CMTM8: variants seen among roughly 807,000 people sequenced by gnomAD.
CMTM8 encodes CKLF like MARVEL transmembrane domain containing 8, also known as CKLF-like MARVEL transmembrane domain-containing protein 8.
CMTM8 carries 12 observed loss-of-function variants against 18.6 expected under a neutral mutation model. The observed-to-expected ratio is 0.65, with a 90% CI of 0.41 to 1.05. The LOEUF (loss-of-function observed/expected upper bound fraction) is 1.05. CMTM8 is among the 50% of genes least tolerant of loss of function. CMTM8 has a pLI of 0.00. For missense variants in CMTM8, 217 were observed against 227.2 expected, an observed-to-expected ratio of 0.95 and a Z score of 0.29; for synonymous variants, 87 against 90.6, an observed-to-expected ratio of 0.96 and a Z score of 0.23.
At chr3:32,284,495 T>A (rs1702649975) in intron 1 of CMTM8, among the ~76,000 whole-genome samples, 1 of 152,194 alleles carries the variant, frequency 6.6e-6, no homozygotes, top group Non-Finnish European at 1.5e-5. Context: ...TTATATCTCA[T>A]AATTTTTCCC....
intron 1 of CMTM8, chr3:32,259,715 G>T: frequency 9.2e-7 from 1 of 1,088,276 alleles, no homozygotes; most frequent in South Asian, 1.2e-5. Context: ...TGACGAGCTG[G>T]CTCGGAAGAA....
chr3:32,356,559 C>T (rs536719522), intron 1 of CMTM8, among the ~76,000 whole-genome samples: 1 of 152,288 alleles, frequency 6.6e-6, no homozygotes, highest in African/African-American at 2.4e-5. Flanking sequence ...AGGGTAAATG[C>T]ACAACGTGTG....
intron 1 of CMTM8, among the ~76,000 whole-genome samples, chr3:32,303,921 C>T (rs1695674419): frequency 6.6e-6 from 1 of 152,174 alleles, no homozygotes; most frequent in African/African-American, 2.4e-5. Flanking sequence ...TCATCACACT[C>T]AAGGAATTTA....
At chr3:32,256,547 G>A (rs918162874) in intron 1 of CMTM8, among the ~76,000 whole-genome samples, 1 of 152,190 alleles carries the variant, frequency 6.6e-6, no homozygotes. Flanking sequence ...TAGCACTGGT[G>A]GTGTAGCAAT....
In CMTM8 at chr3:32,336,938, G is replaced by A. The variant is rs138446933; in HGVS notation, c.148-20435G>A. Among the ~76,000 whole-genome samples, 1,417 of 152,228 alleles carry A rather than the reference G, an allele frequency of 9.3e-3. 23 individuals carry two copies. Among genetic ancestry groups the A allele is most frequent in the African/African-American group, 0.033 (1,368 of 41,516 alleles). ...CAGTTTTGGAGGCAGGAAGTCCAAG[G>A]CCAAGGGGTCATAGCTGGTGAGGGC... On this transcript the variant is annotated intron_variant, in intron 1 of 3. Transcript: ENST00000307526.
At chr3:32,312,321 C>G (rs1695835607) in intron 1 of CMTM8, among the ~76,000 whole-genome samples, 1 of 152,102 alleles carries the variant, frequency 6.6e-6, no homozygotes, top group Non-Finnish European at 1.5e-5. Flanking sequence ...TTTCTCAGTC[C>G]CCAGGTAATC....
intron 1 of CMTM8, among the ~76,000 whole-genome samples, chr3:32,265,676 GA>G (rs1161473108): frequency 1.3e-5 from 2 of 151,762 alleles, no homozygotes; most frequent in Non-Finnish European, 2.9e-5. Flanking sequence ...CTGTTTTTTT[GA>G]AAAGATCAAC....
At chr3:32,356,760 C>A (rs913857478) in intron 1 of CMTM8, among the ~76,000 whole-genome samples, 1 of 152,296 alleles carries the variant, frequency 6.6e-6, no homozygotes, top group Admixed American at 6.5e-5. Flanking sequence ...TGACAAATAC[C>A]AGCCTGGGAG....
At chr3:32,254,171 G>A (rs1702147705) in intron 1 of CMTM8, among the ~76,000 whole-genome samples, 1 of 152,206 alleles carries the variant, frequency 6.6e-6, no homozygotes. Context: ...TGGGATTACA[G>A]GTGTGAGCCA....
At chr3:32,339,144 T>G (rs73069443) in intron 1 of CMTM8, among the ~76,000 whole-genome samples, 3,234 of 152,314 alleles carry the variant, frequency 0.021, 53 homozygotes, top group Non-Finnish European at 0.034. Flanking sequence ...CCAGCTTACC[T>G]TCAAGAAGAG....
In CMTM8 at chr3:32,328,370, C is replaced by CAAAAAAAAA. The variant is rs796201249; in HGVS notation, c.148-28986_148-28978dup. On this transcript the variant is annotated intron_variant, in intron 1 of 3. Transcript: ENST00000307526. Reference sequence around the variant, plus strand: ...GGGTGATGGAGTGAGACCCTGTCTCCAAAAAAAAAAAAAAAAAAAAAAAAA... The same window carrying CAAAAAAAAA: ...GGGTGATGGAGTGAGACCCTGTCTCCAAAAAAAAAAAAAAAAAAAAAAAAAAAAAAAAAA... 6.7e-5 allele frequency among the ~76,000 whole-genome samples: 5 copies of CAAAAAAAAA among 74,788 alleles called. 1 individual carries two copies. Among genetic ancestry groups the CAAAAAAAAA allele is most frequent in the African/African-American group, 2.5e-4 (4 of 16,126 alleles). The allele number at this position is 74,788 out of a possible 152,430, so 49.1% of individuals were successfully genotyped here. A position where few individuals can be genotyped will look rare whatever the true frequency, so the allele number is the denominator to read the frequency against.
At chr3:32,265,376 G>A (rs562339127) in intron 1 of CMTM8, among the ~76,000 whole-genome samples, 6 of 152,166 alleles carry the variant, frequency 3.9e-5, no homozygotes, top group African/African-American at 7.2e-5. Flanking sequence ...CGGAATGAAG[G>A]CAGAAATAAA....
At chr3:32,293,404 AGCCAGGCATGGT>A (rs1330109351) in intron 1 of CMTM8, among the ~76,000 whole-genome samples, 5 of 152,170 alleles carry the variant, frequency 3.3e-5, no homozygotes, top group Middle Eastern at 3.2e-3. Context: ...TACAAAAATT[AGCCAGGCATGGT>A]GCCCACCTGT....
chr3:32,341,630 A>G (rs982426062), intron 1 of CMTM8, among the ~76,000 whole-genome samples: 15 of 152,052 alleles, frequency 9.9e-5, no homozygotes, highest in African/African-American at 3.6e-4. Context: ...TAATCCCAGC[A>G]CTTTGGGAGG....
chr3:32,340,344 A>T (rs148346889), intron 1 of CMTM8, among the ~76,000 whole-genome samples: 40 of 152,324 alleles, frequency 2.6e-4, no homozygotes, highest in African/African-American at 9.6e-4. Context: ...CGAACCTGGG[A>T]TGAGAGTGGA....
chr3:32,348,529 C>CTTTTTTTTTTTTTTTTTTTTTT lies in CMTM8; in HGVS notation c.148-8831_148-8830insTTTTTTTTTTTTTTTTTTTTTT, dbSNP rs56252781. 1.7e-4 allele frequency among the ~76,000 whole-genome samples: 17 copies of CTTTTTTTTTTTTTTTTTTTTTT among 102,048 alleles called. 2 individuals carry two copies. The highest frequency in any genetic ancestry group is 3.9e-4 in the East Asian group (1 of 2,544). The allele number at this position is 102,048 out of a possible 152,430, so 66.9% of individuals were successfully genotyped here. A position where few individuals can be genotyped will look rare whatever the true frequency, so the allele number is the denominator to read the frequency against. The stretch of plus-strand genomic sequence containing the variant: ...TTTTCTTCACTCTCTCTTCCTGGAA[C>CTTTTTTTTTTTTTTTTTTTTTT]TTTTTTTTTTTTTGGAGACAAGATC... On this transcript the variant is annotated intron_variant, in intron 1 of 3. Coordinates refer to ENST00000307526, the MANE Select transcript of CMTM8 (RefSeq NM_178868.5).
At chr3:32,258,977 G>A in intron 1 of CMTM8, 1 of 327,220 alleles carries the variant, frequency 3.1e-6, no homozygotes, top group East Asian at 8.0e-5. Flanking sequence ...TCCTCCAACT[G>A]CCAGTCCGTG....
At chr3:32,360,237 AG>A (rs1212931101) in intron 2 of CMTM8, among the ~76,000 whole-genome samples, 1 of 152,186 alleles carries the variant, frequency 6.6e-6, no homozygotes, top group Admixed American at 6.5e-5. Flanking sequence ...CAAATAAATA[AG>A]CTGGAAATGT....
chr3:32,298,634 T>TG (rs1412171324), intron 1 of CMTM8, among the ~76,000 whole-genome samples: 4 of 151,192 alleles, frequency 2.6e-5, no homozygotes, highest in Non-Finnish European at 4.4e-5. Flanking sequence ...ATCAGATTGC[T>TG]GCTTTTTAAA....
Sources: allele counts gnomAD v4.1 joint callset (sites outside exome capture counted in the v4.1 genomes callset), GRCh38; gene constraint gnomAD v4.1.1; transcripts MANE v1.5; gene names NCBI Gene and HGNC (gene_info 2026-07-23, HGNC 2026-07-21).